CRACR2A: variants seen among roughly 807,000 people sequenced by gnomAD.
CRACR2A encodes the protein calcium release activated channel regulator 2A.
In CRACR2A, 79 loss-of-function variants were observed where a neutral mutation model predicts 90.5. The ratio of observed to expected loss-of-function variants is 0.87; its 90% confidence interval spans 0.73 to 1.05. CRACR2A has a LOEUF of 1.05. Among genes scored for constraint, CRACR2A ranks in the 50% least tolerant of loss-of-function variants. The pLI is 0.00. For synonymous variants in CRACR2A, 338 were observed against 356.7 expected (o/e 0.95, Z 0.59); for missense variants, 823 against 897.2 (o/e 0.92, Z 1.06).
intron 7 of CRACR2A, among the ~76,000 whole-genome samples, chr12:3,671,467 C>T (rs1372254319): frequency 6.6e-6 from 1 of 152,148 alleles, no homozygotes; most frequent in Non-Finnish European, 1.5e-5. Flanking sequence ...TGACTCAAAA[C>T]CAGAAACTCC....
rs139608214 is a variant in CRACR2A, at chr12:3,679,105, G to A, written c.341-7C>T. On this transcript the variant is annotated splice_polypyrimidine_tract_variant and splice_region_variant and intron_variant, in intron 5 of 19. Coordinates refer to ENST00000440314, the MANE Select transcript of CRACR2A (RefSeq NM_001144958.2). Reference sequence around the variant, plus strand: ...TGGCTGAAGAAGAAGTGACCTGGGGGGTGCAGGGCACAAGGATCCGAATTA... The same window carrying A: ...TGGCTGAAGAAGAAGTGACCTGGGGAGTGCAGGGCACAAGGATCCGAATTA... The A allele has an allele frequency of 2.9e-4, 461 of 1,608,700 alleles. 4 individuals are homozygous for A. The East Asian group carries it at 9.6e-3, about 34-fold the overall frequency.
rs905975189 is a variant in CRACR2A, at chr12:3,633,650, C to T, written c.1689G>A (p.Arg563=). The T allele has an allele frequency of 6.4e-7, 1 of 1,551,650 alleles. No homozygotes were observed. Among genetic ancestry groups the T allele is most frequent in the Admixed American group, 2.0e-5 (1 of 50,994 alleles). The part of the protein sequence containing the change: ...NSAVGKTSFL[R]RFCEDRFSPG... ...GGGAGAACCGGTCCTCACAGAATCT[C>T]CTCAGGAAGGATGTCTTCCCCACCG... Residue 563 remains arginine (R), a synonymous_variant, in exon 15 of 20, where the codon AGG becomes AGA. Transcript: ENST00000440314. The surrounding 1 kb of genome is among the most constrained non-coding windows in gnomAD (Gnocchi z 4.5).
At chr12:3,730,960 A>G (rs11608685) in intron 2 of CRACR2A, 12,695 of 152,282 alleles carry the variant, frequency 0.083, 645 homozygotes, top group Middle Eastern at 0.17. Flanking sequence ...AAAACACTGT[A>G]TACACCAGCT....
Position 3,616,984 on chromosome 12 carries a change from T to C in CRACR2A, c.2081A>G (p.Asn694Ser). Reference sequence around the variant, plus strand: ...CAGATGGAGCAGGGACTCTTTGGTGTTGTGACCAGAGTAGGCGCTGCATTC... The same window carrying C: ...CAGATGGAGCAGGGACTCTTTGGTGCTGTGACCAGAGTAGGCGCTGCATTC... ...FYECSAYSGH[N>S]TKESLLHLAR... is the part of the protein sequence containing the mutation. Residue 694 changes from asparagine (N) to serine (S), a missense_variant, in exon 19 of 20, where the codon AAC (asparagine) becomes AGC (serine). Coordinates refer to ENST00000440314, the MANE Select transcript of CRACR2A (RefSeq NM_001144958.2). 2 of 1,551,614 alleles carry C rather than the reference T, an allele frequency of 1.3e-6. No individual in the cohort carries two copies. The highest frequency in any genetic ancestry group is 1.7e-6 in the Non-Finnish European group (2 of 1,146,910).
intron 3 of CRACR2A, among the ~76,000 whole-genome samples, chr12:3,700,829 A>G (rs1345855681): frequency 1.3e-5 from 2 of 152,232 alleles, no homozygotes; most frequent in Non-Finnish European, 2.9e-5. Flanking sequence ...CCGTAAGGAT[A>G]CAGATGATTT....
chr12:3,651,402 G>C (rs548666196), intron 10 of CRACR2A, among the ~76,000 whole-genome samples: 6 of 152,320 alleles, frequency 3.9e-5, no homozygotes, highest in Middle Eastern at 3.4e-3. Flanking sequence ...GGGGCTATGT[G>C]GGGGACACAG....
chr12:3,702,169 G>T (rs1945843828), intron 3 of CRACR2A, among the ~76,000 whole-genome samples: 1 of 152,132 alleles, frequency 6.6e-6, no homozygotes, highest in Non-Finnish European at 1.5e-5. Flanking sequence ...ACGAAAATGG[G>T]CATCTACGAA....
chr12:3,711,393 C>G lies in CRACR2A; in HGVS notation c.-37+1844G>C, dbSNP rs1946004368. On this transcript the variant is annotated intron_variant, in intron 3 of 19. Coordinates refer to ENST00000440314, the MANE Select transcript of CRACR2A (RefSeq NM_001144958.2). This position sits in a 1 kb window ranked among gnomAD's most constrained non-coding sequence, Gnocchi z 4.3. ...CCTTTAAACTTTGCTTAGATATTTCCTCAGTCAAATATCCAATTTCATCAC... is the reference window on the plus strand; with the variant it reads ...CCTTTAAACTTTGCTTAGATATTTCGTCAGTCAAATATCCAATTTCATCAC... Among the ~76,000 whole-genome samples, 1 of 152,202 alleles carries G rather than the reference C, an allele frequency of 6.6e-6. No individual in the cohort carries two copies. Among genetic ancestry groups the G allele is most frequent in the African/African-American group, 2.4e-5 (1 of 41,456 alleles).
At chr12:3,689,334 A>G (rs1185346474) in intron 4 of CRACR2A, among the ~76,000 whole-genome samples, 1 of 152,234 alleles carries the variant, frequency 6.6e-6, no homozygotes, top group Non-Finnish European at 1.5e-5. Flanking sequence ...TTGGTTTGCC[A>G]TAGATGGCTC....
At position 3,615,365 on chromosome 12, in the gene CRACR2A, C is replaced by A. The variant is rs1382568031; in HGVS notation, c.2186G>T (p.Cys729Phe). The change falls in exon 20 of 20, where the codon TGC becomes TTC. Residue 729 changes from cysteine to phenylalanine, a missense_variant. Cys to Phe is a radical substitution (Grantham distance 205). Transcript: ENST00000440314. ...QVGHPAKKKS[C>F]CG ...CCTTGTAGGACCCTATCAGCCACAG[C>A]AGGATTTCTTCTTAGCAGGGTGGCC... 6.4e-7 allele frequency: 1 copy of A among 1,551,632 alleles called. No individual in the cohort carries two copies. The highest frequency in any genetic ancestry group is 2.0e-5 in the Admixed American group (1 of 50,996).
intron 5 of CRACR2A, 72 bp from the exon 6 acceptor site, chr12:3,679,170 C>T: frequency 1.4e-6 from 2 of 1,393,936 alleles, no homozygotes; most frequent in Middle Eastern, 3.7e-4. Context: ...TTCTCACCTG[C>T]CAGGAATCAT....
intron 8 of CRACR2A, among the ~76,000 whole-genome samples, chr12:3,658,047 G>A (rs959241228): frequency 1.3e-5 from 2 of 152,156 alleles, no homozygotes; most frequent in Admixed American, 1.3e-4. Context: ...AAAAACATCT[G>A]AGCAGTTTCC....
At chr12:3,693,163 G>T (rs61908568) in intron 4 of CRACR2A, among the ~76,000 whole-genome samples, 20,712 of 152,262 alleles carry the variant, frequency 0.14, 1,588 homozygotes, top group Admixed American at 0.22. Flanking sequence ...TGCGGGGGCT[G>T]CCGTGGGCCT....
intron 7 of CRACR2A, among the ~76,000 whole-genome samples, chr12:3,670,789 C>T (rs1207037128): frequency 6.6e-6 from 1 of 152,172 alleles, no homozygotes; most frequent in Non-Finnish European, 1.5e-5. Context: ...TTTCAGTGCC[C>T]TGCTCAAAAC....
rs241994 is a variant in CRACR2A, at chr12:3,707,583, T to C, written c.-37+5654A>G. On this transcript the variant is annotated intron_variant, in intron 3 of 19. Transcript: ENST00000440314. ...ATCAAAGCCAAACATAGCCACAGCA[T>C]GGTATCTGGTGGTTAATTAGATGTA... 5.1e-3 allele frequency among the ~76,000 whole-genome samples: 774 copies of C among 152,338 alleles called. 7 individuals are homozygous for C. The highest frequency in any genetic ancestry group is 0.017 in the African/African-American group (725 of 41,576).
At chr12:3,671,201 G>C (rs1465534292) in intron 7 of CRACR2A, among the ~76,000 whole-genome samples, 1 of 152,156 alleles carries the variant, frequency 6.6e-6, no homozygotes, top group Non-Finnish European at 1.5e-5. Flanking sequence ...GCCAGGCTAA[G>C]GCTGGGTAAT....
chr12:3,671,321 G>A (rs550213164), intron 7 of CRACR2A, among the ~76,000 whole-genome samples: 43 of 152,170 alleles, frequency 2.8e-4, no homozygotes, highest in African/African-American at 1.0e-3. Flanking sequence ...ATCAGTGCTG[G>A]GGTCAGAGAG....
chr12:3,643,219 C>T (rs769118753), intron 12 of CRACR2A, among the ~76,000 whole-genome samples: 1 of 152,170 alleles, frequency 6.6e-6, no homozygotes, highest in Admixed American at 6.5e-5. Flanking sequence ...TGCTGCCAGT[C>T]AGCAATGGAA....
chr12:3,624,620 T>C lies in CRACR2A; in HGVS notation c.1932+2816A>G. On this transcript the variant is annotated intron_variant, in intron 17 of 19. Coordinates refer to ENST00000440314, the MANE Select transcript of CRACR2A (RefSeq NM_001144958.2). Reference sequence around the variant, plus strand: ...GAACGCATTGCCTGGTCTATCATACTGAGTCCCAGAGCTCCTAGTGTGTGC... The same window carrying C: ...GAACGCATTGCCTGGTCTATCATACCGAGTCCCAGAGCTCCTAGTGTGTGC... Among the ~76,000 whole-genome samples, 2 of 152,240 alleles carry C rather than the reference T, an allele frequency of 1.3e-5. 1 individual carries two copies.
Sources: allele counts gnomAD v4.1 joint callset (sites outside exome capture counted in the v4.1 genomes callset), GRCh38; gene constraint gnomAD v4.1.1; non-coding constraint Gnocchi (gnomAD v3.1); transcripts MANE v1.5; gene names NCBI Gene and HGNC (gene_info 2026-07-23, HGNC 2026-07-21).